ZNF469: variants seen among roughly 807,000 people sequenced by gnomAD.
The protein encoded by ZNF469 is zinc finger protein 469.
A neutral mutation model predicts 1.0 loss-of-function variants in ZNF469; 1 was observed. The observed-to-expected ratio is 1.00, with a 90% CI of 0.35 to 4.73. The LOEUF is 4.73. Ranked by LOEUF, ZNF469 falls within the 30% of genes most tolerant of loss-of-function variation. The pLI, the probability that ZNF469 is intolerant of heterozygous loss-of-function variation, is 0.16. For synonymous variants in ZNF469, 2,703 were observed against 2,363.4 expected (o/e 1.14, Z -4.17); for missense variants, 6,100 against 5,356.3 (o/e 1.14, Z -4.33).
At chr16:88,324,456 C>G in the ZNF469 span, among the ~76,000 whole-genome samples, 1 of 152,214 alleles carries the variant, frequency 6.6e-6, no homozygotes, top group African/African-American at 2.4e-5. Context: ...CAGTGCTGTC[C>G]TCTCCTATGG....
In ZNF469 at chr16:88,433,633, A is replaced by T; in HGVS notation, c.6163A>T (p.Thr2055Ser). The T allele has an allele frequency of 6.5e-7, 1 of 1,550,144 alleles. No homozygotes were observed. The highest frequency in any genetic ancestry group is 8.7e-7 in the Non-Finnish European group (1 of 1,146,898). The change falls in exon 3 of 3, where the codon ACC becomes TCC. Residue 2055 changes from threonine (T) to serine (S), a missense_variant. By Grantham distance (58) the Thr-to-Ser change is moderately conservative (BLOSUM62 1). Transcript: ENST00000565624. ...GAGCCTTCAGGAGGAGGCCGAGCCC[A>T]CCCCAAGCCCCCCGTCCCCTAATAG... ...AMSLQEEAEP[T>S]PSPPSPNRES...
the ZNF469 span, among the ~76,000 whole-genome samples, chr16:88,214,578 A>G: frequency 9.9e-5 from 15 of 152,058 alleles, no homozygotes; most frequent in African/African-American, 3.4e-4. Flanking sequence ...ATAGGTATAC[A>G]CGTGCCATGG....
the ZNF469 span, among the ~76,000 whole-genome samples, chr16:88,131,489 AGAACCTCTCG>A: frequency 7.1e-6 from 1 of 140,932 alleles, no homozygotes; most frequent in Admixed American, 7.3e-5. Context: ...GCCTGTTGTT[AGAACCTCTCG>A]GCGCTGCCTT....
chr16:88,417,849 C>A (rs193002503), intron 1 of ZNF469, among the ~76,000 whole-genome samples: 42 of 152,322 alleles, frequency 2.8e-4, no homozygotes, highest in Non-Finnish European at 1.8e-4. Flanking sequence ...TGTGCGTGAG[C>A]CCACGTGTGC....
the ZNF469 span, among the ~76,000 whole-genome samples, chr16:88,138,491 A>C: frequency 0.015 from 2,282 of 152,346 alleles, 63 homozygotes; most frequent in African/African-American, 0.052. Flanking sequence ...ATTCTACATA[A>C]GCCTGATTGA....
the ZNF469 span, among the ~76,000 whole-genome samples, chr16:88,316,267 A>C: frequency 3.3e-4 from 51 of 152,304 alleles, 1 homozygote; most frequent in Non-Finnish European, 6.2e-4. Context: ...ACCTTGGGCG[A>C]GTGTGATCGC....
the ZNF469 span, among the ~76,000 whole-genome samples, chr16:88,297,250 T>C: frequency 8.5e-5 from 13 of 152,284 alleles, no homozygotes; most frequent in South Asian, 1.9e-3. Flanking sequence ...GCTGTGCTGA[T>C]GGCTACAAAG....
chr16:88,242,699 G>A, the ZNF469 span, among the ~76,000 whole-genome samples: 1 of 152,282 alleles, frequency 6.6e-6, no homozygotes, highest in African/African-American at 2.4e-5. Flanking sequence ...GCAGCAGCGG[G>A]TTGAGGGTCA....
chr16:88,188,394 G>A, the ZNF469 span, among the ~76,000 whole-genome samples: 2 of 151,078 alleles, frequency 1.3e-5, no homozygotes, highest in African/African-American at 2.4e-5. Context: ...TCATCCTGGG[G>A]GCCTGGACTG....
At chr16:88,305,574 G>GCACACC in the ZNF469 span, among the ~76,000 whole-genome samples, 2 of 120,470 alleles carry the variant, frequency 1.7e-5, no homozygotes, top group East Asian at 5.6e-4. Flanking sequence ...GTGCACACAC[G>GCACACC]CTCACAGGCA....
the ZNF469 span, among the ~76,000 whole-genome samples, chr16:88,266,106 C>A: frequency 6.6e-6 from 1 of 152,274 alleles, no homozygotes; most frequent in African/African-American, 2.4e-5. Flanking sequence ...GGCCTGTGCC[C>A]TCCGACAGAC....
chr16:88,273,690 C>T, the ZNF469 span, among the ~76,000 whole-genome samples: 13 of 152,174 alleles, frequency 8.5e-5, no homozygotes, highest in South Asian at 2.1e-4. Context: ...AAGAAACATC[C>T]GCACACCCAT....
chr16:88,128,161 A>T, the ZNF469 span, among the ~76,000 whole-genome samples: 1 of 152,062 alleles, frequency 6.6e-6, no homozygotes, highest in African/African-American at 2.4e-5. Context: ...AGACGGCACC[A>T]GCACAGATGC....
chr16:88,309,247 G>A, the ZNF469 span, among the ~76,000 whole-genome samples: 1 of 152,284 alleles, frequency 6.6e-6, no homozygotes, highest in African/African-American at 2.4e-5. Flanking sequence ...CTCCGTGGTG[G>A]TGTGCTGGCA....
the ZNF469 span, among the ~76,000 whole-genome samples, chr16:88,340,171 C>T: frequency 6.6e-6 from 1 of 152,172 alleles, no homozygotes; most frequent in Non-Finnish European, 1.5e-5. Context: ...AGAGGTGCCT[C>T]CCCTGCACGG....
chr16:88,437,856 G>C lies in ZNF469; in HGVS notation c.10386G>C (p.Lys3462Asn), dbSNP rs1906709059. 1 of 1,539,292 alleles carries C rather than the reference G, an allele frequency of 6.5e-7. No homozygotes were observed. Among genetic ancestry groups the C allele is most frequent in the East Asian group, 2.5e-5 (1 of 40,510 alleles). ...GVRRPGAPGQKARALEGTLPS... is the reference protein window; with the variant it reads ...GVRRPGAPGQNARALEGTLPS... ...GGAGGCCGGGAGCGCCGGGACAGAA[G>C]GCCCGGGCCCTCGAGGGCACACTGC... Residue 3462 changes from lysine (K) to asparagine (N), a missense_variant, in exon 3 of 3, where the codon AAG (lysine) becomes AAC (asparagine). Transcript: ENST00000565624.
At chr16:88,193,795 A>T in the ZNF469 span, 1 of 152,262 alleles carries the variant, frequency 6.6e-6, no homozygotes, top group Non-Finnish European at 1.5e-5. Flanking sequence ...CAAGATTAAG[A>T]TCTCAGTAGA....
At chr16:88,224,194 A>G in the ZNF469 span, among the ~76,000 whole-genome samples, 1 of 152,218 alleles carries the variant, frequency 6.6e-6, no homozygotes, top group Non-Finnish European at 1.5e-5. Flanking sequence ...TTCCTTCCTC[A>G]ACTGGAGGAA....
chr16:88,382,521 G>A (rs2092527871), upstream of ZNF469, among the ~76,000 whole-genome samples: 1 of 152,188 alleles, frequency 6.6e-6, no homozygotes, highest in African/African-American at 2.4e-5. Context: ...ACCTCCTTAT[G>A]GTGCCTTCGA....
Sources: gnomAD v4.1 joint callset for allele counts (sites outside exome capture counted in the v4.1 genomes callset) on GRCh38, gnomAD v4.1.1 for gene constraint, MANE v1.5 for transcripts, NCBI Gene and HGNC (gene_info 2026-07-23, HGNC 2026-07-21) for gene names.